The following TAL1 variants were observed in gnomAD, a reference collection of about 807,000 sequenced individuals.
TAL1 encodes T-cell acute lymphocytic leukemia protein 1.
A neutral mutation model predicts 17.9 loss-of-function variants in TAL1; 8 were observed. That is an observed-to-expected ratio of 0.45 (90% CI 0.26 to 0.81). The LOEUF (loss-of-function observed/expected upper bound fraction) is 0.81, where lower values mean the gene tolerates loss of function less well. Among genes scored for constraint, TAL1 ranks in the 30% least tolerant of loss-of-function variants. TAL1 has a pLI of 0.17. For missense variants in TAL1, 466 were observed against 486.9 expected, an observed-to-expected ratio of 0.96 and a Z score of 0.40; for synonymous variants, 223 against 218.6, an observed-to-expected ratio of 1.02 and a Z score of -0.18.
intron 3 of TAL1, among the ~76,000 whole-genome samples, chr1:47,221,428 G>A (rs1376274793): frequency 1.3e-5 from 2 of 152,188 alleles, no homozygotes; most frequent in Non-Finnish European, 2.9e-5. Flanking sequence ...CAGCACACAT[G>A]TCTAGGGCAC....
intron 3 of TAL1, among the ~76,000 whole-genome samples, chr1:47,222,306 A>G (rs1366742272): frequency 1.3e-5 from 2 of 152,214 alleles, no homozygotes; most frequent in African/African-American, 2.4e-5. Context: ...AGGGTGGTCC[A>G]GGACTTAGCT....
chr1:47,224,001 C>G lies in TAL1; in HGVS notation c.541+3G>C, dbSNP rs1437457797. On this transcript the variant is annotated splice_donor_region_variant and intron_variant, in intron 3 of 3. Transcript: ENST00000294339. ...GTACAACGGTGGGGTGGGGCAGACT[C>G]ACCATCAGTAATCTCCATCTCATAG... is the stretch of plus-strand genomic sequence containing the variant. The G allele has an allele frequency of 6.2e-7, 1 of 1,613,684 alleles. No individual in the cohort carries two copies. The highest frequency in any genetic ancestry group is 8.5e-7 in the Non-Finnish European group (1 of 1,179,812).
At chr1:47,224,017 C>T (rs1643871868) in exon 3 of TAL1, 3 of 1,613,742 alleles carry the variant, frequency 1.9e-6, no homozygotes, top group East Asian at 2.2e-5. Context: ...CAGTAATCTC[C>T]ATCTCATAGG....
At chr1:47,219,902 C>A in exon 4 of TAL1, 1 of 1,526,380 alleles carries the variant, frequency 6.6e-7, no homozygotes, top group Non-Finnish European at 8.8e-7. Context: ...GCGCCGCCCC[C>A]TCCCCCACCT....
At chr1:47,219,793 G>A (rs1333114136) in exon 4 of TAL1, 1 of 1,612,046 alleles carries the variant, frequency 6.2e-7, no homozygotes, top group South Asian at 1.1e-5. Flanking sequence ...CTTGGGCGCG[G>A]GCTCCTCCGT....
chr1:47,223,871 C>CGGCA (rs2148589488), intron 3 of TAL1, 133 bp downstream of exon 4: 1 of 841,352 alleles, frequency 1.2e-6, no homozygotes, highest in Admixed American at 1.9e-5. Context: ...TGAAGGGCTT[C>CGGCA]GGCAGTTTGG....
chr1:47,217,753 A>G lies in TAL1; in HGVS notation c.*1967T>C, dbSNP rs559372953. On this transcript the variant is annotated 3_prime_UTR_variant, in exon 4 of 4. Coordinates refer to ENST00000294339, the Ensembl canonical transcript of TAL1. ...TCATAAAACCCATCCACCCATCCAT[A>G]CTGTGGCTACTTCTCATTCCTAACT... 461 of 398,452 alleles carry G rather than the reference A, an allele frequency of 1.2e-3. 1 individual carries two copies. Among genetic ancestry groups the G allele is most frequent in the Non-Finnish European group, 1.8e-3 (412 of 226,068 alleles). The allele number at this position is 398,452 out of a possible 1,614,324, so 24.7% of individuals were successfully genotyped here.
In TAL1 at chr1:47,224,059, G is replaced by C. The variant is rs41289394; in HGVS notation, c.486C>G (p.Thr162=). The C allele has an allele frequency of 1.1e-3, 1,775 of 1,613,808 alleles. 1 individual carries two copies. Among genetic ancestry groups the C allele is most frequent in the Non-Finnish European group, 1.4e-3 (1,687 of 1,179,968 alleles). ...GTCTCCTCTTCACTCGATTGTTGGT[G>C]GTGAACATAGGGAAGGCATCCGGCT... Residue 162 remains threonine (T), a synonymous_variant, in exon 3 of 4, where the codon ACC becomes ACG. Coordinates refer to ENST00000294339, the Ensembl canonical transcript of TAL1.
At chr1:47,229,335 G>T (rs976336969) in exon 1 of TAL1, 4 of 197,726 alleles carry the variant, frequency 2.0e-5, no homozygotes, top group African/African-American at 9.2e-5. Flanking sequence ...TTACGCTGCG[G>T]TGTGGTCCTG....
chr1:47,231,226 CT>C (rs1471677826), upstream of TAL1: 3 of 182,894 alleles, frequency 1.6e-5, no homozygotes, highest in Non-Finnish European at 3.5e-5. Context: ...CGACCGGGCG[CT>C]GTCCGCCCAC....
chr1:47,225,880 C>T (rs973653741), exon 2 of TAL1: 3 of 1,567,552 alleles, frequency 1.9e-6, no homozygotes, highest in Non-Finnish European at 2.6e-6. Flanking sequence ...TCGGCGGCCG[C>T]TCGGTCATCC....
At chr1:47,231,503 G>T (rs1256619862), upstream of TAL1, among the ~76,000 whole-genome samples, 1 of 151,862 alleles carries the variant, frequency 6.6e-6, no homozygotes, top group Admixed American at 6.6e-5. Flanking sequence ...AAGCCGACTT[G>T]GTCAGCCCCG....
Position 47,223,876 on chromosome 1 carries a change from G to A in TAL1, c.541+128C>T, listed in dbSNP as rs1411451761. On this transcript the variant is annotated intron_variant, in intron 3 of 3. Transcript: ENST00000294339. ...AGCTGCAGGGTGAAGGGCTTCGGCA[G>A]TTTGGGTTTGGAAAGTGGCCCGCCC... is the stretch of plus-strand genomic sequence containing the variant. 7.8e-6 allele frequency: 7 copies of A among 892,492 alleles called. No individual in the cohort carries two copies. In the African/African-American group the frequency reaches 9.8e-5, roughly 13 times the overall value. The allele number at this position is 892,492 out of a possible 1,614,324, so 55.3% of individuals were successfully genotyped here.
chr1:47,216,824 C>T (rs1302051244), exon 4 of TAL1: 6 of 231,416 alleles, frequency 2.6e-5, no homozygotes, highest in African/African-American at 4.4e-5. Context: ...TATGTTCTTT[C>T]CCCTTTGTAC....
At chr1:47,225,498 C>T in exon 2 of TAL1, 5 of 1,235,314 alleles carry the variant, frequency 4.0e-6, no homozygotes, top group Non-Finnish European at 5.0e-6. Context: ...CGGCCGGGGG[C>T]GGCGGGGGCA....
chr1:47,224,271 G>A (rs1160081027), intron 2 of TAL1, among the ~76,000 whole-genome samples, 173 bp from the exon 4 acceptor site: 1 of 151,398 alleles, frequency 6.6e-6, no homozygotes, highest in African/African-American at 2.4e-5. Flanking sequence ...CATACACACG[G>A]AATGCCCTCA....
intron 3 of TAL1, 32 bp from the exon 5 acceptor site, chr1:47,220,206 T>C (rs756750727): frequency 2.0e-6 from 3 of 1,481,690 alleles, no homozygotes; most frequent in Admixed American, 4.4e-5. Flanking sequence ...GTTAGGAGAA[T>C]GGGCTTGAGA....
At chr1:47,221,816 G>A (rs1427580731) in intron 3 of TAL1, among the ~76,000 whole-genome samples, 2 of 152,176 alleles carry the variant, frequency 1.3e-5, no homozygotes, top group African/African-American at 4.8e-5. Flanking sequence ...GCTCATCCAT[G>A]CCACACTTAC....
exon 4 of TAL1, chr1:47,217,231 A>AT: frequency 1.0e-5 from 3 of 300,484 alleles, no homozygotes; most frequent in East Asian, 5.0e-5. Context: ...AAAAAAAAAA[A>AT]GTAAAAATTA....
Sources: allele counts gnomAD v4.1 joint callset (sites outside exome capture counted in the v4.1 genomes callset), GRCh38; gene constraint gnomAD v4.1.1; transcripts MANE v1.5; gene names NCBI Gene and HGNC (gene_info 2026-07-23, HGNC 2026-07-21).